FAM168A: variants seen among roughly 807,000 people sequenced by gnomAD.
The protein encoded by FAM168A is protein FAM168A.
In FAM168A, 3 loss-of-function variants were observed where a neutral mutation model predicts 28.5. That is an observed-to-expected ratio of 0.11 (90% CI 0.05 to 0.27). The LOEUF is 0.27. Among genes scored for constraint, FAM168A ranks in the 10% least tolerant of loss-of-function variants. FAM168A has a pLI of 1.00. For synonymous variants in FAM168A, 122 were observed against 124.2 expected (o/e 0.98, Z 0.12); for missense variants, 222 against 311.5 (o/e 0.71, Z 2.16).
rs766954510 is a variant in FAM168A at position 73,478,412 on chromosome 11, A to G, written c.-18-9920T>C. ...CATTTATATGAAATGTTCAGAAAAGACAAATCTGTACAGGCAAACAGTAGA... is the reference window on the plus strand; with the variant it reads ...CATTTATATGAAATGTTCAGAAAAGGCAAATCTGTACAGGCAAACAGTAGA... On this transcript the variant is annotated intron_variant, in intron 1 of 7. Transcript: ENST00000356467. 2.6e-5 allele frequency among the ~76,000 whole-genome samples: 4 copies of G among 152,204 alleles called. 1 individual carries two copies. Among genetic ancestry groups the G allele is most frequent in the Admixed American group, 1.3e-4 (2 of 15,282 alleles).
At chr11:73,483,268 C>T (rs1486861236) in intron 1 of FAM168A, among the ~76,000 whole-genome samples, 4 of 152,162 alleles carry the variant, frequency 2.6e-5, no homozygotes, top group Non-Finnish European at 4.4e-5. Context: ...CAACCAAGAC[C>T]TACAGTGTCC....
At chr11:73,555,468 G>T (rs1456285696) in intron 1 of FAM168A, among the ~76,000 whole-genome samples, 1 of 152,118 alleles carries the variant, frequency 6.6e-6, no homozygotes, top group Non-Finnish European at 1.5e-5. Context: ...ACTTTGGGAG[G>T]TCGAGGCGGG....
intron 1 of FAM168A, among the ~76,000 whole-genome samples, chr11:73,492,666 T>G (rs1868145496): frequency 6.6e-6 from 1 of 151,728 alleles, no homozygotes; most frequent in African/African-American, 2.4e-5. Flanking sequence ...TAAACCATAT[T>G]TAATGATACT....
At chr11:73,542,170 T>C (rs1345470019) in intron 1 of FAM168A, among the ~76,000 whole-genome samples, 1 of 152,242 alleles carries the variant, frequency 6.6e-6, no homozygotes. Context: ...TGGCTTTATA[T>C]ATGCTAATTA....
At chr11:73,549,407 A>T in intron 1 of FAM168A, among the ~76,000 whole-genome samples, 1 of 152,246 alleles carries the variant, frequency 6.6e-6, no homozygotes, top group East Asian at 1.9e-4. Flanking sequence ...AAAAAAATTT[A>T]AAATTCAGTT....
At chr11:73,553,297 A>G (rs978015311) in intron 1 of FAM168A, among the ~76,000 whole-genome samples, 1 of 152,152 alleles carries the variant, frequency 6.6e-6, no homozygotes, top group Non-Finnish European at 1.5e-5. Flanking sequence ...TCAAGTCTCT[A>G]TGGTTTCAAG....
chr11:73,492,534 C>A (rs570724037), intron 1 of FAM168A, among the ~76,000 whole-genome samples: 1 of 151,994 alleles, frequency 6.6e-6, no homozygotes, highest in East Asian at 1.9e-4. Flanking sequence ...CCCAGCTACA[C>A]GGGGGGCTGA....
chr11:73,419,824 A>G, intron 4 of FAM168A, 50 bp downstream of exon 4: 1 of 1,596,472 alleles, frequency 6.3e-7, no homozygotes, highest in Non-Finnish European at 8.5e-7. Context: ...CCTAAGAAAC[A>G]AATCAGTCCC....
At chr11:73,496,472 T>C (rs7927344) in intron 1 of FAM168A, among the ~76,000 whole-genome samples, 32,473 of 152,210 alleles carry the variant, frequency 0.21, 5,599 homozygotes, top group African/African-American at 0.48. Flanking sequence ...TATCACACAA[T>C]GAAGTGCATA....
chr11:73,516,929 A>G (rs1410588202), intron 1 of FAM168A, among the ~76,000 whole-genome samples: 1 of 152,212 alleles, frequency 6.6e-6, no homozygotes, highest in African/African-American at 2.4e-5. Flanking sequence ...GCCTTCATGG[A>G]GTTTACTATC....
intron 2 of FAM168A, among the ~76,000 whole-genome samples, chr11:73,448,337 C>T (rs1472480794): frequency 3.3e-5 from 5 of 152,186 alleles, no homozygotes; most frequent in African/African-American, 1.2e-4. Context: ...TGAGCCACCA[C>T]GCCCAGCCCC....
chr11:73,438,414 G>A (rs549481487), intron 2 of FAM168A, among the ~76,000 whole-genome samples: 1 of 152,136 alleles, frequency 6.6e-6, no homozygotes, highest in Non-Finnish European at 1.5e-5. Flanking sequence ...AAGGTGCGGA[G>A]GGGGCAGGAA....
intron 1 of FAM168A, among the ~76,000 whole-genome samples, chr11:73,498,177 T>C (rs969577676): frequency 6.6e-6 from 1 of 151,988 alleles, no homozygotes; most frequent in African/African-American, 2.4e-5. Context: ...AAAAAAAACA[T>C]AATAAGTATG....
intron 1 of FAM168A, among the ~76,000 whole-genome samples, chr11:73,540,680 G>A (rs758085335): frequency 1.3e-5 from 2 of 152,178 alleles, no homozygotes; most frequent in Non-Finnish European, 2.9e-5. Flanking sequence ...AATCTCTTCA[G>A]AGAGGCTTTT....
At chr11:73,414,301 G>A (rs1291757045) in intron 4 of FAM168A, among the ~76,000 whole-genome samples, 1 of 152,210 alleles carries the variant, frequency 6.6e-6, no homozygotes, top group African/African-American at 2.4e-5. Flanking sequence ...TACAATGGTA[G>A]TCACTGACAG....
chr11:73,498,596 G>T (rs763867520), intron 1 of FAM168A, among the ~76,000 whole-genome samples: 3 of 152,150 alleles, frequency 2.0e-5, no homozygotes. Flanking sequence ...ATTGGAACTC[G>T]CAACTGCCTG....
intron 1 of FAM168A, among the ~76,000 whole-genome samples, chr11:73,470,990 T>C (rs1867806236): frequency 6.6e-6 from 1 of 152,146 alleles, no homozygotes; most frequent in Admixed American, 6.5e-5. Context: ...GGGTAGATCA[T>C]GCCTGGGGTA....
At chr11:73,500,163 C>T (rs1479623986) in intron 1 of FAM168A, among the ~76,000 whole-genome samples, 1 of 151,950 alleles carries the variant, frequency 6.6e-6, no homozygotes, top group East Asian at 1.9e-4. Flanking sequence ...ATCAGTCTAA[C>T]AGTGGACCTC....
At chr11:73,520,970 C>G (rs1943367527) in intron 1 of FAM168A, among the ~76,000 whole-genome samples, 1 of 151,448 alleles carries the variant, frequency 6.6e-6, no homozygotes, top group South Asian at 2.1e-4. Flanking sequence ...CAGGGACCTT[C>G]CAACAAACAC....
Sources: gnomAD v4.1 joint callset for allele counts (sites outside exome capture counted in the v4.1 genomes callset) on GRCh38, gnomAD v4.1.1 for gene constraint, MANE v1.5 for transcripts, NCBI Gene and HGNC (gene_info 2026-07-23, HGNC 2026-07-21) for gene names.